DPP6: variants seen among roughly 807,000 people sequenced by gnomAD.
DPP6 encodes dipeptidyl peptidase like 6.
DPP6 carries 69 observed loss-of-function variants against 122.6 expected under a neutral mutation model. The observed-to-expected ratio is 0.56, with a 90% CI of 0.46 to 0.69. The LOEUF (loss-of-function observed/expected upper bound fraction) is 0.69, where lower values mean the gene tolerates loss of function less well. DPP6 is among the 30% of genes least tolerant of loss of function. The pLI, the probability that DPP6 is intolerant of heterozygous loss-of-function variation, is 0.00. For missense variants in DPP6, 928 were observed against 1,116.9 expected (o/e 0.83, Z 2.41); for synonymous variants, 418 against 433.1 (o/e 0.97, Z 0.43).
chr7:154,806,938 C>T lies in DPP6; in HGVS notation c.1548-56C>T, dbSNP rs563285547. On this transcript the variant is annotated intron_variant, in intron 15 of 25. Transcript: ENST00000377770. ...GAGCCCACCAGCTTGCGGCACCCAGCGTGGAGGGCAGCTCCTCTCCGCCCA... is the reference window on the plus strand; with the variant it reads ...GAGCCCACCAGCTTGCGGCACCCAGTGTGGAGGGCAGCTCCTCTCCGCCCA... 7.3e-5 allele frequency: 116 copies of T among 1,591,172 alleles called. 2 individuals are homozygous for T. The highest frequency in any genetic ancestry group is 5.1e-5 in the Admixed American group (3 of 59,218).
intron 1 of DPP6, among the ~76,000 whole-genome samples, chr7:154,232,264 A>G (rs1363314589): frequency 6.6e-6 from 1 of 152,140 alleles, no homozygotes; most frequent in East Asian, 1.9e-4. Context: ...AGCAATCAAG[A>G]TTCCTTGGCC....
chr7:153,912,581 A>G (rs1438462287), intron 1 of DPP6, among the ~76,000 whole-genome samples: 2 of 152,192 alleles, frequency 1.3e-5, no homozygotes, highest in African/African-American at 4.8e-5. Flanking sequence ...GAGGAAAGCA[A>G]TGGAGGTAGA....
intron 1 of DPP6, among the ~76,000 whole-genome samples, chr7:154,114,243 A>G (rs1806816096): frequency 2.0e-5 from 3 of 152,114 alleles, no homozygotes; most frequent in Non-Finnish European, 4.4e-5. Flanking sequence ...TTCCAGTTCA[A>G]TGGAAAATTC....
In DPP6 at chr7:154,444,098, A is replaced by G. The variant is rs186582806; in HGVS notation, c.244-2116A>G. Reference sequence around the variant, plus strand: ...GCTTGCATTCTAACTTGAAAACTGCATCTATGCTGTGGTTGTACCCATTTA... The same window carrying G: ...GCTTGCATTCTAACTTGAAAACTGCGTCTATGCTGTGGTTGTACCCATTTA... On this transcript the variant is annotated intron_variant, in intron 1 of 25. Transcript: ENST00000377770. Among the ~76,000 whole-genome samples the G allele has an allele frequency of 1.4e-4, 22 of 152,308 alleles. No individual in the cohort carries two copies. The Middle Eastern group carries it at 0.017, about 118-fold the overall frequency.
chr7:153,816,531 C>T, the DPP6 span, among the ~76,000 whole-genome samples: 2 of 152,080 alleles, frequency 1.3e-5, no homozygotes, highest in Non-Finnish European at 2.9e-5. Context: ...AGAGGAAGGA[C>T]AAAGCAGATA....
intron 10 of DPP6, among the ~76,000 whole-genome samples, chr7:154,778,754 T>TTCACCACCAGCTCCACCACCA (rs1796757806): frequency 7.0e-6 from 1 of 143,066 alleles, no homozygotes; most frequent in African/African-American, 2.6e-5. Context: ...CAACACCACC[T>TTCACCACCAGCTCCACCACCA]TCACCACCAG....
chr7:154,520,897 A>G (rs1470682048), intron 3 of DPP6, among the ~76,000 whole-genome samples: 1 of 152,226 alleles, frequency 6.6e-6, no homozygotes, highest in African/African-American at 2.4e-5. Flanking sequence ...TGCCCATATA[A>G]TGCCTAATAT....
intron 1 of DPP6, among the ~76,000 whole-genome samples, chr7:154,199,193 G>A (rs577061477): frequency 6.6e-6 from 1 of 152,202 alleles, no homozygotes; most frequent in Non-Finnish European, 1.5e-5. Flanking sequence ...ACCAACATTT[G>A]GAGAAGGCTT....
chr7:154,176,829 A>AT (rs967942812), intron 1 of DPP6, among the ~76,000 whole-genome samples: 115 of 150,472 alleles, frequency 7.6e-4, no homozygotes, highest in African/African-American at 2.5e-3. Flanking sequence ...AGTGGAAATC[A>AT]TTTTTTTTTC....
At chr7:154,377,851 A>G (rs1813262311) in intron 1 of DPP6, among the ~76,000 whole-genome samples, 1 of 152,162 alleles carries the variant, frequency 6.6e-6, no homozygotes, top group African/African-American at 2.4e-5. Context: ...TCTAAAACAT[A>G]CATTTGTATT....
chr7:154,092,588 C>A (rs1422386471), intron 1 of DPP6: 1 of 151,366 alleles, frequency 6.6e-6, no homozygotes, highest in Admixed American at 6.6e-5. Context: ...GGCCAGAATC[C>A]TAGAGAAGTG....
intron 1 of DPP6, among the ~76,000 whole-genome samples, chr7:154,040,575 A>G (rs1249989895): frequency 5.4e-5 from 8 of 148,694 alleles, no homozygotes; most frequent in Non-Finnish European, 7.4e-5. Context: ...CAACAATTCT[A>G]TGGGCTGGAT....
At chr7:153,831,290 A>G in the DPP6 span, among the ~76,000 whole-genome samples, 19 of 152,294 alleles carry the variant, frequency 1.2e-4, no homozygotes, top group South Asian at 3.3e-3. Context: ...AGGAGCTAAC[A>G]TTTCCAAAGG....
intron 1 of DPP6, among the ~76,000 whole-genome samples, chr7:154,167,558 G>A (rs1435544438): frequency 3.9e-5 from 6 of 152,208 alleles, no homozygotes; most frequent in Admixed American, 3.9e-4. Flanking sequence ...AACTCTTTGC[G>A]TACGCATTTT....
intron 1 of DPP6, among the ~76,000 whole-genome samples, chr7:154,168,238 G>A (rs529822193): frequency 4.7e-4 from 71 of 152,234 alleles, no homozygotes; most frequent in African/African-American, 1.6e-3. Flanking sequence ...AAACAGCCTA[G>A]AAGACCTTGC....
At chr7:154,841,586 T>G (rs938852380) in intron 16 of DPP6, among the ~76,000 whole-genome samples, 1 of 151,426 alleles carries the variant, frequency 6.6e-6, no homozygotes, top group African/African-American at 2.4e-5. Flanking sequence ...GAACCTTCTC[T>G]TTTCTTCTTT....
chr7:154,198,308 A>ATTTTG (rs1339707332), intron 1 of DPP6, among the ~76,000 whole-genome samples: 2 of 45,004 alleles, frequency 4.4e-5, no homozygotes, highest in East Asian at 8.0e-4. Context: ...CACTTCACAT[A>ATTTTG]TTTTATTATT....
intron 1 of DPP6, among the ~76,000 whole-genome samples, chr7:154,230,456 C>A (rs905207576): frequency 6.6e-6 from 1 of 152,202 alleles, no homozygotes; most frequent in East Asian, 1.9e-4. Flanking sequence ...AGCTTCATTT[C>A]CACGTGGGTC....
intron 2 of DPP6, among the ~76,000 whole-genome samples, chr7:154,471,650 A>G (rs1236070729): frequency 2.0e-5 from 3 of 152,164 alleles, no homozygotes; most frequent in Admixed American, 2.0e-4. Context: ...AAGACCCAGA[A>G]CACTTGTAAG....
Sources: gnomAD v4.1 joint callset for allele counts (sites outside exome capture counted in the v4.1 genomes callset) on GRCh38, gnomAD v4.1.1 for gene constraint, MANE v1.5 for transcripts, NCBI Gene and HGNC (gene_info 2026-07-23, HGNC 2026-07-21) for gene names.